The following GRK4 variants were observed in gnomAD, a reference collection of about 807,000 sequenced individuals.
The protein encoded by GRK4 is G protein-coupled receptor kinase 2-like.
GRK4 carries 73 observed loss-of-function variants against 77.9 expected under a neutral mutation model. That is an observed-to-expected ratio of 0.94 (90% CI 0.78 to 1.14). The LOEUF (loss-of-function observed/expected upper bound fraction) is 1.14. Among genes scored for constraint, GRK4 ranks in the 50% most tolerant of loss-of-function variants. The pLI is 0.00. For synonymous variants in GRK4, 257 were observed against 254.4 expected (o/e 1.01, Z -0.10); for missense variants, 729 against 700.2 (o/e 1.04, Z -0.46).
chr4:3,002,630 G>A (rs112139939), intron 4 of GRK4, among the ~76,000 whole-genome samples: 1,989 of 152,162 alleles, frequency 0.013, 42 homozygotes, highest in African/African-American at 0.046. Flanking sequence ...CTTGAACCTG[G>A]GCGGCGGGAC....
chr4:3,009,848 CA>C (rs1732389123), intron 7 of GRK4, 137 bp downstream of exon 7: 1 of 549,774 alleles, frequency 1.8e-6, no homozygotes, highest in East Asian at 2.9e-5. Flanking sequence ...TAATCTTTGC[CA>C]ACTGTGAGAA....
chr4:3,006,005 C>T (rs546546954), intron 5 of GRK4, among the ~76,000 whole-genome samples: 8 of 152,122 alleles, frequency 5.3e-5, no homozygotes, highest in South Asian at 4.2e-4. Flanking sequence ...TGTATGGCAC[C>T]GGACTAGAAC....
At chr4:2,984,055 T>C (rs1018911073) in intron 1 of GRK4, among the ~76,000 whole-genome samples, 4 of 152,162 alleles carry the variant, frequency 2.6e-5, no homozygotes, top group Non-Finnish European at 5.9e-5. Context: ...CATGTGGGTA[T>C]TATAATTTGA....
chr4:2,990,246 C>CT lies in GRK4; in HGVS notation c.261+1434dup, dbSNP rs71644371. 8.2e-3 allele frequency among the ~76,000 whole-genome samples: 583 copies of CT among 70,762 alleles called. 28 individuals carry two copies. The highest frequency in any genetic ancestry group is 9.5e-3 in the Non-Finnish European group (365 of 38,504). 46.4% of individuals were successfully genotyped at this position (70,762 alleles called of 152,430 possible). A position where few individuals can be genotyped will look rare whatever the true frequency, so the allele number is the denominator to read the frequency against. ...TAAGGTGATTCTTCTTCTTCTTCTTCTTTTTTTTTTTTTTTTTTTTTTTTT... is the reference window on the plus strand; with the variant it reads ...TAAGGTGATTCTTCTTCTTCTTCTTCTTTTTTTTTTTTTTTTTTTTTTTTTT... On this transcript the variant is annotated intron_variant, in intron 3 of 15. Coordinates refer to ENST00000398052, the MANE Select transcript of GRK4 (RefSeq NM_182982.3).
At chr4:3,015,327 T>C (rs7679865) in intron 8 of GRK4, among the ~76,000 whole-genome samples, 70,838 of 152,104 alleles carry the variant, frequency 0.47, 17,701 homozygotes, top group African/African-American at 0.64. Context: ...GCCCGGAGGT[T>C]AGCTGCTTTG....
intron 1 of GRK4, among the ~76,000 whole-genome samples, chr4:2,973,665 ACCT>A (rs1282199792): frequency 2.0e-5 from 3 of 151,494 alleles, no homozygotes; most frequent in Non-Finnish European, 4.4e-5. Flanking sequence ...ACCTTTTCTC[ACCT>A]CCTCCACTGC....
chr4:2,965,624 A>C (rs1717417150), intron 1 of GRK4: 2 of 617,526 alleles, frequency 3.2e-6, no homozygotes, highest in African/African-American at 1.8e-5. Flanking sequence ...TGGAAGGCTC[A>C]CTTGGGCCCA....
At chr4:3,030,658 T>A (rs1452417559) in intron 12 of GRK4, among the ~76,000 whole-genome samples, 1 of 149,168 alleles carries the variant, frequency 6.7e-6, no homozygotes, top group Non-Finnish European at 1.5e-5. Context: ...TGAGAGGGGG[T>A]CGGCCTGCTG....
chr4:2,971,785 G>A (rs1330937271), intron 1 of GRK4, among the ~76,000 whole-genome samples: 1 of 152,234 alleles, frequency 6.6e-6, no homozygotes, highest in Non-Finnish European at 1.5e-5. Context: ...CCCAGCCTCT[G>A]CTGGCTCGCT....
chr4:3,032,024 G>A (rs12506119), intron 12 of GRK4, among the ~76,000 whole-genome samples: 5,645 of 152,152 alleles, frequency 0.037, 134 homozygotes, highest in East Asian at 0.087. Context: ...GAGTTCTCCC[G>A]GCTACCTCAC....
rs774297658 is a variant in GRK4 at position 3,013,714 on chromosome 4, A to G, written c.627A>G (p.Thr209=). 1.4e-5 allele frequency: 23 copies of G among 1,612,590 alleles called. No individual in the cohort carries two copies. The Admixed American group carries it at 2.0e-4, about 14-fold the overall frequency. Residue 209 remains threonine (T), a synonymous_variant, in exon 8 of 16, where the codon ACA becomes ACG. Coordinates refer to ENST00000398052, the MANE Select transcript of GRK4 (RefSeq NM_182982.3). ...GEVCACQVRA[T]GKMYACKKLQ... is the part of the protein sequence containing the mutation. Reference sequence around the variant, plus strand: ...TTTGCGCCTGTCAAGTGCGAGCCACAGGAAAAATGTATGCCTGCAAAAAGC... The same window carrying G: ...TTTGCGCCTGTCAAGTGCGAGCCACGGGAAAAATGTATGCCTGCAAAAAGC...
chr4:3,037,919 A>C lies in GRK4; in HGVS notation c.1545+408A>C, dbSNP rs970092638. On this transcript the variant is annotated intron_variant, in intron 14 of 15. Transcript: ENST00000398052. ...GACAGAACGAGACTTCGTCTCACCC[A>C]AAAAAAAAAAAAAAAAGATTGTATA... is the stretch of plus-strand genomic sequence containing the variant. Among the ~76,000 whole-genome samples the C allele has an allele frequency of 2.9e-4, 32 of 111,360 alleles. 1 individual carries two copies. Among genetic ancestry groups the C allele is most frequent in the Admixed American group, 7.6e-4 (9 of 11,920 alleles). 73.1% of individuals were successfully genotyped at this position (111,360 alleles called of 152,430 possible). A position where few individuals can be genotyped will look rare whatever the true frequency, so the allele number is the denominator to read the frequency against.
chr4:2,992,112 A>T, intron 3 of GRK4, 103 bp from the exon 4 acceptor site: 1 of 719,200 alleles, frequency 1.4e-6, no homozygotes, highest in Non-Finnish European at 2.4e-6. Flanking sequence ...TCTTGAGCTC[A>T]AGTGATCCTC....
intron 13 of GRK4, 115 bp from the exon 14 acceptor site, chr4:3,037,259 C>A: frequency 1.0e-6 from 1 of 994,024 alleles, no homozygotes; most frequent in Non-Finnish European, 1.5e-6. Flanking sequence ...AGAATGGAGA[C>A]AGGGAGAGTG....
chr4:2,998,178 G>C (rs1252074825), intron 4 of GRK4, among the ~76,000 whole-genome samples: 2 of 152,070 alleles, frequency 1.3e-5, no homozygotes, highest in Non-Finnish European at 2.9e-5. Context: ...GCAACATGGT[G>C]AAACCCCCGT....
chr4:3,039,379 A>G (rs985818498), intron 15 of GRK4, among the ~76,000 whole-genome samples: 1 of 151,948 alleles, frequency 6.6e-6, no homozygotes, highest in South Asian at 2.1e-4. Context: ...CTTGGCCACT[A>G]ACATTCTAAT....
chr4:2,992,207 C>G lies in GRK4; in HGVS notation c.262-8C>G. The G allele has an allele frequency of 1.3e-6, 2 of 1,599,188 alleles. No homozygotes were observed. Among genetic ancestry groups the G allele is most frequent in the South Asian group, 1.1e-5 (1 of 90,832 alleles). ...CTGTTCTTTCTTTTCTTCCATCTCT[C>G]CAATCAGGCAGAATATGAAGTTGCC... On this transcript the variant is annotated splice_polypyrimidine_tract_variant and splice_region_variant and intron_variant, in intron 3 of 15. Transcript: ENST00000398052.
intron 4 of GRK4, among the ~76,000 whole-genome samples, chr4:3,001,222 T>G (rs1027194136): frequency 6.9e-6 from 1 of 144,360 alleles, no homozygotes; most frequent in South Asian, 2.1e-4. Flanking sequence ...TATATATATG[T>G]ATATATGTGT....
chr4:3,022,451 G>C lies in GRK4; in HGVS notation c.970G>C (p.Gly324Arg). 1 of 1,613,828 alleles carries C rather than the reference G, an allele frequency of 6.2e-7. No individual in the cohort carries two copies. Among genetic ancestry groups the C allele is most frequent in the Non-Finnish European group, 8.5e-7 (1 of 1,179,884 alleles). ...TGAGAATATTCTCCTTGATGATCGT[G>C]GTAAGTGGGCAAGCCTTTCACATCT... is the stretch of plus-strand genomic sequence containing the variant. ...KPENILLDDRGHIRISDLGLA... is the reference protein window; with the variant it reads ...KPENILLDDRRHIRISDLGLA... The change falls in exon 10 of 16, where the codon GGA becomes CGA. Residue 324 changes from glycine (G) to arginine (R), a missense_variant and splice_region_variant. Gly to Arg is a moderately radical substitution (Grantham distance 125). Transcript: ENST00000398052.
Sources: gnomAD v4.1 joint callset for allele counts (sites outside exome capture counted in the v4.1 genomes callset) on GRCh38, gnomAD v4.1.1 for gene constraint, MANE v1.5 for transcripts, NCBI Gene and HGNC (gene_info 2026-07-23, HGNC 2026-07-21) for gene names.